CSMD1: variants seen among roughly 807,000 people sequenced by gnomAD.
The protein encoded by CSMD1 is CUB and Sushi multiple domains 1, also known as CUB and sushi domain-containing protein 1.
CSMD1 carries 213 observed loss-of-function variants against 417.5 expected under a neutral mutation model. The ratio of observed to expected loss-of-function variants is 0.51; its 90% CI spans 0.46 to 0.57. CSMD1 has a LOEUF of 0.57. CSMD1 is among the 20% of genes least tolerant of loss of function. The pLI is 0.00. For synonymous variants in CSMD1, 2,862 were observed against 1,736.8 expected, an observed-to-expected ratio of 1.65 and a Z score of -16.11; for missense variants, 6,923 against 4,529.7, an observed-to-expected ratio of 1.53 and a Z score of -15.17.
chr8:4,231,848 G>A (rs11995514), intron 3 of CSMD1, among the ~76,000 whole-genome samples: 63,416 of 152,018 alleles, frequency 0.42, 15,245 homozygotes, highest in Non-Finnish European at 0.55. Context: ...ATCTGTACAT[G>A]TATATGATAA....
At chr8:3,305,788 TCCTGCCTCAG>T (rs1804790922) in intron 25 of CSMD1, among the ~76,000 whole-genome samples, 1 of 152,174 alleles carries the variant, frequency 6.6e-6, no homozygotes, top group Non-Finnish European at 1.5e-5. Context: ...CACACCATTC[TCCTGCCTCAG>T]CCTCCCGAGT....
rs1285365050 is a variant in CSMD1 at position 2,935,417 on chromosome 8, C to T, written c.*3168G>A. The T allele has an allele frequency of 6.6e-6, 1 of 152,032 alleles. No homozygotes were observed. 9.4% of individuals were successfully genotyped at this position (152,032 alleles called of 1,614,324 possible). A position where few individuals can be genotyped will look rare whatever the true frequency, so the allele number is the denominator to read the frequency against. On this transcript the variant is annotated 3_prime_UTR_variant, in exon 70 of 70. Transcript: ENST00000635120. ...TGCTTTAAAGATTGGTGGCATTGCACAGGCTATATTACACCCTCTTTATAA... is the reference window on the plus strand; with the variant it reads ...TGCTTTAAAGATTGGTGGCATTGCATAGGCTATATTACACCCTCTTTATAA...
At chr8:4,753,345 T>C (rs114072672) in intron 1 of CSMD1, among the ~76,000 whole-genome samples, 2 of 151,864 alleles carry the variant, frequency 1.3e-5, no homozygotes, top group Non-Finnish European at 2.9e-5. Context: ...ACTGTCTGCT[T>C]TCATTTTGTC....
chr8:4,290,211 TTGTATGTGTGTCTGCAAAAACCCA>T (rs1797284358), intron 3 of CSMD1, among the ~76,000 whole-genome samples: 1 of 151,998 alleles, frequency 6.6e-6, no homozygotes, highest in Admixed American at 6.6e-5. Context: ...GGAAACACAC[TTGTATGTGTGTCTGCAAAAACCCA>T]TGTGTTTAGG....
At chr8:3,868,836 C>G (rs570135544) in intron 5 of CSMD1, among the ~76,000 whole-genome samples, 51 of 152,274 alleles carry the variant, frequency 3.3e-4, no homozygotes, top group African/African-American at 1.2e-3. Context: ...ATGTGCTCAT[C>G]CAAGCCACCA....
chr8:3,462,136 C>A (rs961975183), intron 12 of CSMD1, among the ~76,000 whole-genome samples: 5 of 151,740 alleles, frequency 3.3e-5, no homozygotes, highest in Non-Finnish European at 7.4e-5. Flanking sequence ...CCCCCCCCAC[C>A]TCCCAGCTGC....
chr8:3,491,745 T>C (rs573260532), intron 11 of CSMD1, among the ~76,000 whole-genome samples: 1 of 152,308 alleles, frequency 6.6e-6, no homozygotes, highest in African/African-American at 2.4e-5. Context: ...AAGGTGAGTA[T>C]AACAGACTGC....
intron 5 of CSMD1, among the ~76,000 whole-genome samples, chr8:3,953,381 A>G (rs1039436221): frequency 6.6e-6 from 1 of 152,220 alleles, no homozygotes; most frequent in Non-Finnish European, 1.5e-5. Flanking sequence ...TTAGGTGTTT[A>G]TATATACTTA....
chr8:4,672,844 G>C lies in CSMD1; in HGVS notation c.86-35286C>G, dbSNP rs558153246. On this transcript the variant is annotated intron_variant, in intron 1 of 69. Coordinates refer to ENST00000635120, the MANE Select transcript of CSMD1 (RefSeq NM_033225.6). ...ACACACACACACTCCCGTATGTAGT[G>C]ACGTACACATATGCATGCATACATG... is the stretch of plus-strand genomic sequence containing the variant. Among the ~76,000 whole-genome samples the C allele has an allele frequency of 6.6e-4, 101 of 152,004 alleles. 1 individual carries two copies. The highest frequency in any genetic ancestry group is 1.2e-3 in the Non-Finnish European group (84 of 67,980).
chr8:4,456,190 T>A (rs868703428), intron 2 of CSMD1, among the ~76,000 whole-genome samples: 1 of 151,958 alleles, frequency 6.6e-6, no homozygotes, highest in Non-Finnish European at 1.5e-5. Context: ...GACACAAACT[T>A]TATTACAGGT....
intron 3 of CSMD1, among the ~76,000 whole-genome samples, chr8:4,251,858 G>C (rs944270353): frequency 6.8e-6 from 1 of 147,306 alleles, no homozygotes; most frequent in African/African-American, 2.5e-5. Context: ...AGGAGAGATG[G>C]AGGAGAGAGA....
At chr8:4,556,578 G>A (rs998516440) in intron 2 of CSMD1, among the ~76,000 whole-genome samples, 1 of 152,082 alleles carries the variant, frequency 6.6e-6, no homozygotes, top group Non-Finnish European at 1.5e-5. Context: ...TGTCTAAATA[G>A]CAAAGAATAA....
At chr8:3,935,404 T>G (rs774675216) in intron 5 of CSMD1, among the ~76,000 whole-genome samples, 2 of 152,216 alleles carry the variant, frequency 1.3e-5, no homozygotes, top group Non-Finnish European at 2.9e-5. Context: ...CTCTATTGCA[T>G]TTTGCAAATA....
intron 10 of CSMD1, among the ~76,000 whole-genome samples, chr8:3,496,393 G>T (rs1796365822): frequency 6.6e-6 from 1 of 152,054 alleles, no homozygotes; most frequent in African/African-American, 2.4e-5. Context: ...GTGGAGGGAA[G>T]CACTGGCCTC....
intron 1 of CSMD1, among the ~76,000 whole-genome samples, chr8:4,983,581 G>T (rs999470835): frequency 1.3e-5 from 2 of 152,096 alleles, no homozygotes; most frequent in African/African-American, 4.8e-5. Context: ...GGAAGGCAGT[G>T]GTGCAATCTC....
intron 2 of CSMD1, among the ~76,000 whole-genome samples, chr8:4,495,528 T>A (rs1179838162): frequency 2.0e-5 from 3 of 151,930 alleles, no homozygotes. Flanking sequence ...TGAGCCAGTA[T>A]CTCGCCACTG....
At chr8:3,150,734 C>T (rs565901164) in intron 40 of CSMD1, among the ~76,000 whole-genome samples, 45 of 152,108 alleles carry the variant, frequency 3.0e-4, no homozygotes, top group African/African-American at 1.1e-3. Flanking sequence ...AATAAATGAA[C>T]TAAAATACGA....
intron 26 of CSMD1, among the ~76,000 whole-genome samples, chr8:3,233,277 T>C (rs138689719): frequency 6.6e-6 from 1 of 152,262 alleles, no homozygotes; most frequent in Non-Finnish European, 1.5e-5. Context: ...TTATGGGCTA[T>C]CACAGGAGGG....
At chr8:3,104,576 T>C (rs919065232) in intron 46 of CSMD1, among the ~76,000 whole-genome samples, 2 of 152,214 alleles carry the variant, frequency 1.3e-5, no homozygotes, top group Non-Finnish European at 2.9e-5. Context: ...GGATATCTGA[T>C]AATAATTCAT....
Sources: allele counts gnomAD v4.1 joint callset (sites outside exome capture counted in the v4.1 genomes callset), GRCh38; gene constraint gnomAD v4.1.1; transcripts MANE v1.5; gene names NCBI Gene and HGNC (gene_info 2026-07-23, HGNC 2026-07-21).